The following COBL variants were observed in gnomAD, a reference collection of about 807,000 sequenced individuals.
The protein encoded by COBL is cordon-bleu WH2 repeat protein.
A neutral mutation model predicts 98.8 loss-of-function variants in COBL; 51 were observed. That is an observed-to-expected ratio of 0.52 (90% CI 0.41 to 0.65). COBL has a LOEUF of 0.65. Among genes scored for constraint, COBL ranks in the 30% least tolerant of loss-of-function variants. The probability of loss-of-function intolerance (pLI) is 0.00; values close to 1 mark genes in which losing one functional copy is unlikely to be tolerated. For synonymous variants in COBL, 634 were observed against 651.7 expected, an observed-to-expected ratio of 0.97 and a Z score of 0.41; for missense variants, 1,617 against 1,617.5, an observed-to-expected ratio of 1.00 and a Z score of 0.01.
At chr7:51,104,716 T>A (rs1279152738) in intron 6 of COBL, among the ~76,000 whole-genome samples, 1 of 152,082 alleles carries the variant, frequency 6.6e-6, no homozygotes, top group African/African-American at 2.4e-5. Context: ...GAAACAGATA[T>A]GAACTACCTA....
At chr7:51,250,009 G>A (rs1292917355) in intron 1 of COBL, among the ~76,000 whole-genome samples, 5 of 152,062 alleles carry the variant, frequency 3.3e-5, no homozygotes, top group Admixed American at 2.6e-4. Flanking sequence ...GGCTGAGGCA[G>A]GAGAATTACT....
chr7:51,156,760 T>C (rs1786189137), intron 5 of COBL: 1 of 177,442 alleles, frequency 5.6e-6, no homozygotes, highest in South Asian at 1.9e-4. Flanking sequence ...GTAGTTAAGG[T>C]GCACTTTCAA....
chr7:51,147,044 A>AGT (rs1442855129), intron 5 of COBL, among the ~76,000 whole-genome samples: 1 of 152,114 alleles, frequency 6.6e-6, no homozygotes, highest in Non-Finnish European at 1.5e-5. Context: ...GTCCCTGCAT[A>AGT]GGGACAGCAG....
intron 7 of COBL, among the ~76,000 whole-genome samples, chr7:51,052,028 C>T (rs1207106915): frequency 6.6e-6 from 1 of 152,194 alleles, no homozygotes; most frequent in African/African-American, 2.4e-5. Flanking sequence ...TCAGACAGTA[C>T]AGCTCAACAC....
chr7:51,212,846 T>A (rs1043453792), intron 2 of COBL, among the ~76,000 whole-genome samples: 3 of 152,142 alleles, frequency 2.0e-5, no homozygotes, highest in Admixed American at 6.5e-5. Context: ...GGGCTGGGAA[T>A]TTGCATTTCT....
At chr7:51,119,553 T>C (rs1157331900) in intron 6 of COBL, among the ~76,000 whole-genome samples, 4 of 152,178 alleles carry the variant, frequency 2.6e-5, no homozygotes, top group Non-Finnish European at 5.9e-5. Context: ...TTCTCTAATA[T>C]GGAAACTGGG....
At chr7:51,054,838 T>C (rs1161501749) in intron 7 of COBL, among the ~76,000 whole-genome samples, 1 of 152,204 alleles carries the variant, frequency 6.6e-6, no homozygotes, top group East Asian at 1.9e-4. Flanking sequence ...TCGGGGCACA[T>C]CACCCATGAT....
At chr7:51,187,999 A>G in intron 4 of COBL, 1 of 1,230,918 alleles carries the variant, frequency 8.1e-7, no homozygotes, top group Non-Finnish European at 1.0e-6. Flanking sequence ...TCCAGCTTTG[A>G]GATGTGTGGG....
At chr7:51,288,148 T>C (rs1358241515) in intron 1 of COBL, among the ~76,000 whole-genome samples, 2 of 152,032 alleles carry the variant, frequency 1.3e-5, no homozygotes, top group Non-Finnish European at 2.9e-5. Context: ...AAAATACAAA[T>C]GGGGGCCAGG....
chr7:51,025,308 G>C lies in COBL; in HGVS notation c.3569C>G (p.Ser1190Trp), dbSNP rs140576062. The change falls in exon 12 of 13, where the codon TCG (serine) becomes TGG (tryptophan). Residue 1190 changes from serine (S) to tryptophan (W), a missense_variant. Ser to Trp is a radical substitution (Grantham distance 177, BLOSUM62 -3). Coordinates refer to ENST00000265136, the MANE Select transcript of COBL (RefSeq NM_015198.5). ...AAGGTCTTCTAGCAGAGGACTTTCC[G>C]AGCCCTGAGCAGAGAGTGCGGCATC... is the stretch of plus-strand genomic sequence containing the variant. The part of the protein sequence containing the change: ...FRDAALSAQG[S>W]ESPLLEDLGL... The C allele has an allele frequency of 5.6e-6, 9 of 1,612,670 alleles. No individual in the cohort carries two copies. The highest frequency in any genetic ancestry group is 5.9e-6 in the Non-Finnish European group (7 of 1,179,634).
Position 51,126,834 on chromosome 7 carries a change from C to T in COBL, c.957+9324G>A, listed in dbSNP as rs937342053. On this transcript the variant is annotated intron_variant, in intron 6 of 12. Coordinates refer to ENST00000265136, the MANE Select transcript of COBL (RefSeq NM_015198.5). ...AGCTGTAGCAGAACATCATCCAAGT[C>T]GCTGGTTAATTCAAGGTGCTCCCCC... 5.9e-5 allele frequency among the ~76,000 whole-genome samples: 9 copies of T among 152,154 alleles called. No individual in the cohort carries two copies. The South Asian group carries it at 1.7e-3, about 28-fold the overall frequency.
chr7:51,297,058 C>CT (rs1584434933), intron 1 of COBL, among the ~76,000 whole-genome samples: 1 of 152,180 alleles, frequency 6.6e-6, no homozygotes, highest in African/African-American at 2.4e-5. Flanking sequence ...TGAGTCCCCT[C>CT]TCTGCTGGCC....
intron 6 of COBL, among the ~76,000 whole-genome samples, chr7:51,097,465 A>G (rs1326056676): frequency 1.3e-5 from 2 of 152,208 alleles, no homozygotes; most frequent in African/African-American, 4.8e-5. Context: ...TTAGGCAAGA[A>G]AAAGAAATAT....
intron 6 of COBL, among the ~76,000 whole-genome samples, chr7:51,135,750 T>C (rs745528575): frequency 6.6e-5 from 10 of 152,176 alleles, no homozygotes; most frequent in African/African-American, 1.4e-4. Context: ...TGCCACAGAA[T>C]GAATGGACTC....
intron 7 of COBL, among the ~76,000 whole-genome samples, chr7:51,053,918 C>T (rs750068440): frequency 5.3e-5 from 8 of 152,256 alleles, no homozygotes; most frequent in Admixed American, 2.0e-4. Flanking sequence ...CAGTGGCTTA[C>T]GCCTGTAATC....
rs1014054778 is a variant in COBL at position 51,082,989 on chromosome 7, A to G, written c.1096+2177T>C. ...ACAAGAATGGAAAATCTGGAAACCC[A>G]GCCCTGACATCGCAGTGCTCAGAGA... On this transcript the variant is annotated intron_variant, in intron 7 of 12. Transcript: ENST00000265136. The G allele has an allele frequency of 8.3e-6, 12 of 1,444,924 alleles. No individual in the cohort carries two copies. In the African/African-American group the frequency reaches 1.7e-4, roughly 20 times the overall value. The allele number at this position is 1,444,924 out of a possible 1,614,324, so 89.5% of individuals were successfully genotyped here.
chr7:51,212,595 G>A (rs978166043), intron 2 of COBL, among the ~76,000 whole-genome samples: 3 of 152,292 alleles, frequency 2.0e-5, no homozygotes, highest in South Asian at 2.1e-4. Flanking sequence ...GCCAAGGGCC[G>A]TTCTTGAGCC....
intron 5 of COBL, among the ~76,000 whole-genome samples, chr7:51,179,992 T>C (rs892283277): frequency 1.4e-4 from 22 of 152,236 alleles, no homozygotes; most frequent in African/African-American, 5.3e-4. Flanking sequence ...CTTACAGCAA[T>C]TGGGTAAAGT....
chr7:51,221,118 C>T (rs545909260), intron 1 of COBL, among the ~76,000 whole-genome samples: 9 of 152,234 alleles, frequency 5.9e-5, no homozygotes, highest in Admixed American at 1.3e-4. Flanking sequence ...TACAATTATC[C>T]GGTGCCTGCA....
Sources: allele counts gnomAD v4.1 joint callset (sites outside exome capture counted in the v4.1 genomes callset), GRCh38; gene constraint gnomAD v4.1.1; transcripts MANE v1.5; gene names NCBI Gene and HGNC (gene_info 2026-07-23, HGNC 2026-07-21).